Variants in NSRP1 observed in about 807,000 individuals in gnomAD.
The protein encoded by NSRP1 is nuclear speckle splicing regulatory protein 1.
In NSRP1, 24 loss-of-function variants were observed where a neutral mutation model predicts 54.7. The ratio of observed to expected loss-of-function variants is 0.44; its 90% confidence interval spans 0.32 to 0.62. NSRP1 has a LOEUF of 0.62. Ranked by LOEUF, NSRP1 falls within the 20% of genes least tolerant of loss-of-function variation. NSRP1 has a pLI of 0.06. For synonymous variants in NSRP1, 210 were observed against 213.8 expected (o/e 0.98, Z 0.15); for missense variants, 596 against 651.2 (o/e 0.92, Z 0.92).
intron 3 of NSRP1, among the ~76,000 whole-genome samples, chr17:30,176,614 C>T (rs868800659): frequency 1.6e-5 from 2 of 121,784 alleles, no homozygotes; most frequent in Admixed American, 1.8e-4. Flanking sequence ...CGTCCCCCCC[C>T]CCCCAAAAAA....
At chr17:30,118,408 C>T (rs1447595632) in intron 2 of NSRP1, among the ~76,000 whole-genome samples, 1 of 152,064 alleles carries the variant, frequency 6.6e-6, no homozygotes, top group Non-Finnish European at 1.5e-5. Context: ...TTTCAGACTA[C>T]TGAAATTGTC....
At chr17:30,164,737 G>T (rs1461274856) in intron 2 of NSRP1, among the ~76,000 whole-genome samples, 1 of 152,192 alleles carries the variant, frequency 6.6e-6, no homozygotes, top group Non-Finnish European at 1.5e-5. Context: ...GGTCGAGGCT[G>T]CAGTGTGCTG....
chr17:30,178,061 T>A lies in NSRP1; in HGVS notation c.172-10T>A. 2 of 1,612,254 alleles carry A rather than the reference T, an allele frequency of 1.2e-6. No individual in the cohort carries two copies. The highest frequency in any genetic ancestry group is 1.7e-6 in the Non-Finnish European group (2 of 1,179,538). On this transcript the variant is annotated splice_polypyrimidine_tract_variant and intron_variant, in intron 3 of 6. Coordinates refer to ENST00000247026, the MANE Select transcript of NSRP1 (RefSeq NM_032141.4). The stretch of plus-strand genomic sequence containing the variant: ...TCATATTTTTGAAACATGTTTAATT[T>A]TTTTTTAAGACCAAACTGGAAATCC...
chr17:30,182,082 T>C (rs1905325500), intron 6 of NSRP1, among the ~76,000 whole-genome samples: 1 of 143,500 alleles, frequency 7.0e-6, no homozygotes. Context: ...TAAATAAGAA[T>C]GTGGGTATTC....
chr17:30,174,510 A>T (rs572178522), intron 3 of NSRP1, among the ~76,000 whole-genome samples: 2 of 152,144 alleles, frequency 1.3e-5, no homozygotes. Context: ...TTTTTCTTCT[A>T]TGTGGACCTC....
chr17:30,121,665 G>A (rs2071598849), intron 2 of NSRP1, among the ~76,000 whole-genome samples: 1 of 148,528 alleles, frequency 6.7e-6, no homozygotes, highest in Non-Finnish European at 1.5e-5. Flanking sequence ...CACCTCCCGG[G>A]TTCAAGCAAT....
chr17:30,118,505 T>C (rs933501604), intron 2 of NSRP1, among the ~76,000 whole-genome samples: 11 of 152,236 alleles, frequency 7.2e-5, no homozygotes, highest in Non-Finnish European at 1.5e-4. Context: ...GCAAAGCAGT[T>C]TTTAATTTGT....
intron 1 of NSRP1, chr17:30,117,370 A>G (rs1333938595): frequency 5.8e-6 from 3 of 520,394 alleles, no homozygotes; most frequent in Admixed American, 3.7e-5. Context: ...GTTGCCGCAA[A>G]AGAGACAAAT....
At chr17:30,137,396 A>G (rs2071759631) in intron 2 of NSRP1, among the ~76,000 whole-genome samples, 1 of 152,166 alleles carries the variant, frequency 6.6e-6, no homozygotes, top group African/African-American at 2.4e-5. Flanking sequence ...AGTGGAAGTG[A>G]TGTATGCTGT....
chr17:30,180,131 C>T (rs2143010257), intron 5 of NSRP1, among the ~76,000 whole-genome samples: 1 of 151,550 alleles, frequency 6.6e-6, no homozygotes, highest in Admixed American at 6.6e-5. Context: ...GCCACCATGA[C>T]CAGCCCTGTA....
chr17:30,158,308 AT>A lies in NSRP1; in HGVS notation c.115-14219del, dbSNP rs35919418. 1.6e-3 allele frequency among the ~76,000 whole-genome samples: 218 copies of A among 133,780 alleles called. 1 individual carries two copies. The highest frequency in any genetic ancestry group is 8.1e-3 in the Middle Eastern group (2 of 248). The allele number at this position is 133,780 out of a possible 152,430, so 87.8% of individuals were successfully genotyped here. A position where few individuals can be genotyped will look rare whatever the true frequency, so the allele number is the denominator to read the frequency against. On this transcript the variant is annotated intron_variant, in intron 2 of 6. Coordinates refer to ENST00000247026, the MANE Select transcript of NSRP1 (RefSeq NM_032141.4). ...TGTCCTTCACCCACTTTTTAATGGC[AT>A]TTTTTTTTTTTTTTGCTATTGAGTT...
chr17:30,143,395 CAA>C (rs2071823899), intron 2 of NSRP1, among the ~76,000 whole-genome samples: 1 of 152,126 alleles, frequency 6.6e-6, no homozygotes, highest in Non-Finnish European at 1.5e-5. Flanking sequence ...TCTTTAGTGT[CAA>C]GAGATTGTGT....
At chr17:30,175,290 G>A (rs1905089793) in intron 3 of NSRP1, among the ~76,000 whole-genome samples, 1 of 152,102 alleles carries the variant, frequency 6.6e-6, no homozygotes, top group Non-Finnish European at 1.5e-5. Context: ...TTTGCATTAT[G>A]ATTTCTTGTT....
At chr17:30,160,905 A>G (rs892000342) in intron 2 of NSRP1, among the ~76,000 whole-genome samples, 15 of 152,198 alleles carry the variant, frequency 9.9e-5, no homozygotes, top group African/African-American at 3.6e-4. Context: ...AGAGAAGCTA[A>G]AATTTCAGAA....
chr17:30,177,948 T>C lies in NSRP1; in HGVS notation c.172-123T>C, dbSNP rs1464209459. 5.1e-6 allele frequency: 6 copies of C among 1,181,456 alleles called. No individual in the cohort carries two copies. In the South Asian group the frequency reaches 7.7e-5, roughly 15 times the overall value. 73.2% of individuals were successfully genotyped at this position (1,181,456 alleles called of 1,614,324 possible). A position where few individuals can be genotyped will look rare whatever the true frequency, so the allele number is the denominator to read the frequency against. On this transcript the variant is annotated intron_variant, in intron 3 of 6. Coordinates refer to ENST00000247026, the MANE Select transcript of NSRP1 (RefSeq NM_032141.4). Reference sequence around the variant, plus strand: ...CCAGAGTTTATTTGTATTTCCTATCTAAAAATGTGATTGTAATTTTTATGA... The same window carrying C: ...CCAGAGTTTATTTGTATTTCCTATCCAAAAATGTGATTGTAATTTTTATGA...
chr17:30,139,063 G>A (rs1483865950), intron 2 of NSRP1, among the ~76,000 whole-genome samples: 2 of 150,466 alleles, frequency 1.3e-5, no homozygotes, highest in South Asian at 2.1e-4. Flanking sequence ...GACTATAGGC[G>A]CCTGCTACCA....
intron 2 of NSRP1, among the ~76,000 whole-genome samples, chr17:30,167,694 GT>G (rs1904785473): frequency 6.6e-6 from 1 of 151,782 alleles, no homozygotes; most frequent in Non-Finnish European, 1.5e-5. Context: ...TAAGATATTT[GT>G]TAAAAAGAAA....
chr17:30,124,098 C>T (rs763753305), intron 2 of NSRP1, among the ~76,000 whole-genome samples: 28 of 150,868 alleles, frequency 1.9e-4, no homozygotes, highest in Non-Finnish European at 3.1e-4. Flanking sequence ...AACAGCGAGA[C>T]CCCGTCTCTA....
intron 2 of NSRP1, among the ~76,000 whole-genome samples, chr17:30,171,436 G>A (rs953805559): frequency 9.3e-5 from 14 of 150,670 alleles, no homozygotes; most frequent in Admixed American, 8.6e-4. Context: ...CTTTCAAGTA[G>A]CTGGGATTAC....
Sources: gnomAD v4.1 joint callset for allele counts (sites outside exome capture counted in the v4.1 genomes callset) on GRCh38, gnomAD v4.1.1 for gene constraint, MANE v1.5 for transcripts, NCBI Gene and HGNC (gene_info 2026-07-23, HGNC 2026-07-21) for gene names.